The following AGAP1 variants were observed in gnomAD, a reference collection of about 807,000 sequenced individuals.
AGAP1 encodes arf-GAP with GTPase, ANK repeat and PH domain-containing protein 1.
Under a neutral mutation model 105.3 loss-of-function variants are expected in AGAP1, and 29 were observed. The observed-to-expected ratio is 0.28, with a 90% CI of 0.21 to 0.38. The LOEUF is 0.38. AGAP1 is among the 10% of genes least tolerant of loss of function. The pLI is 1.00. For synonymous variants in AGAP1, 509 were observed against 485.9 expected, an observed-to-expected ratio of 1.05 and a Z score of -0.63; for missense variants, 998 against 1,165.1, an observed-to-expected ratio of 0.86 and a Z score of 2.09.
Position 235,807,229 on chromosome 2 carries a change from TG to T in AGAP1, c.958-9del. 6.2e-7 allele frequency: 1 copy of T among 1,609,316 alleles called. No individual in the cohort carries two copies. Among genetic ancestry groups the T allele is most frequent in the Non-Finnish European group, 8.5e-7 (1 of 1,178,830 alleles). On this transcript the variant is annotated splice_polypyrimidine_tract_variant and intron_variant, in intron 8 of 17. Coordinates refer to ENST00000304032, the MANE Select transcript of AGAP1 (RefSeq NM_001037131.3). ...CTTACCCAGATGCCAACTTTCCTTT[TG>T]CTTTGCAGTCTCGGAAAGGGAGCGA...
chr2:235,773,933 C>T (rs1457829282), intron 6 of AGAP1: 1 of 468,658 alleles, frequency 2.1e-6, no homozygotes, highest in South Asian at 1.6e-5. Flanking sequence ...TGAAGACAAT[C>T]AACTCTTCAT....
chr2:235,933,841 T>A (rs531948422), intron 12 of AGAP1, among the ~76,000 whole-genome samples: 1 of 152,240 alleles, frequency 6.6e-6, no homozygotes, highest in African/African-American at 2.4e-5. Context: ...TTTCTAAGGA[T>A]TAATAGTATG....
rs1050395389 is a variant in AGAP1 at position 235,988,249 on chromosome 2, G to C, written c.1645+19626G>C. ...GTAGAGACAGGGCTTCACCCTGTTG[G>C]CCAGGCTGGTCTTGAACTCCTGACT... On this transcript the variant is annotated intron_variant, in intron 13 of 17. Transcript: ENST00000304032. This position sits in a 1 kb window ranked among gnomAD's most constrained non-coding sequence, Gnocchi z 4.7. Among the ~76,000 whole-genome samples, 1 of 152,122 alleles carries C rather than the reference G, an allele frequency of 6.6e-6. No homozygotes were observed. The highest frequency in any genetic ancestry group is 1.9e-4 in the East Asian group (1 of 5,174).
intron 8 of AGAP1, among the ~76,000 whole-genome samples, chr2:235,806,629 C>A (rs1957848130): frequency 6.6e-6 from 1 of 152,180 alleles, no homozygotes; most frequent in South Asian, 2.1e-4. Context: ...ACTGACCTTT[C>A]GTCCAAAGGC....
chr2:236,008,946 G>A (rs1382299662), intron 13 of AGAP1, among the ~76,000 whole-genome samples: 2 of 152,216 alleles, frequency 1.3e-5, no homozygotes, highest in East Asian at 3.8e-4. Flanking sequence ...TGTTGGCCTT[G>A]CAAGAAACTG....
chr2:236,091,018 C>T (rs1031403778), intron 16 of AGAP1, among the ~76,000 whole-genome samples: 1 of 152,186 alleles, frequency 6.6e-6, no homozygotes, highest in Non-Finnish European at 1.5e-5. Context: ...GGTTGACAGG[C>T]GTGTGCCACC....
intron 9 of AGAP1, among the ~76,000 whole-genome samples, chr2:235,878,351 T>C (rs943326849): frequency 1.3e-5 from 2 of 152,188 alleles, no homozygotes; most frequent in Non-Finnish European, 2.9e-5. Context: ...TTCTCTTTGA[T>C]AATCAGGAAA....
At position 235,577,766 on chromosome 2, in the gene AGAP1, C is replaced by CT. The variant is rs1944782714; in HGVS notation, c.163+82918dup. On this transcript the variant is annotated intron_variant, in intron 1 of 17. Transcript: ENST00000304032. The surrounding 1 kb of genome is among the most constrained non-coding windows in gnomAD (Gnocchi z 4.5). Reference sequence around the variant, plus strand: ...ATTCAACACAGGCTTGTCTGCTGGCCTCCCCCGGGAGAGAGAGTAGGTTTG... The same window carrying CT: ...ATTCAACACAGGCTTGTCTGCTGGCCTTCCCCCGGGAGAGAGAGTAGGTTTG... 6.6e-6 allele frequency among the ~76,000 whole-genome samples: 1 copy of CT among 152,156 alleles called. No homozygotes were observed. Among genetic ancestry groups the CT allele is most frequent in the African/African-American group, 2.4e-5 (1 of 41,428 alleles).
intron 16 of AGAP1, among the ~76,000 whole-genome samples, chr2:236,093,635 G>C (rs1411493417): frequency 1.3e-5 from 2 of 152,196 alleles, no homozygotes; most frequent in East Asian, 1.9e-4. Context: ...CATATATCCT[G>C]GATTGGGAGA....
At position 235,800,769 on chromosome 2, in the gene AGAP1, C is replaced by T. The variant is rs1036828520; in HGVS notation, c.957+1247C>T. 2.6e-5 allele frequency among the ~76,000 whole-genome samples: 4 copies of T among 152,188 alleles called. No homozygotes were observed. In the East Asian group the frequency reaches 7.7e-4, roughly 29 times the overall value. On this transcript the variant is annotated intron_variant, in intron 8 of 17. Transcript: ENST00000304032. ...GGTAAAGGTTCTGCAGACGTCTAGT[C>T]GTGGGTAGCAACCAGGGGTGCTGCA...
intron 9 of AGAP1, among the ~76,000 whole-genome samples, chr2:235,871,556 C>A (rs1437460445): frequency 6.6e-6 from 1 of 152,248 alleles, no homozygotes; most frequent in African/African-American, 2.4e-5. Context: ...CCAGCCTCAG[C>A]CAACTGCCTA....
chr2:235,573,018 C>T lies in AGAP1; in HGVS notation c.163+78169C>T, dbSNP rs1341356383. Among the ~76,000 whole-genome samples, 4 of 19,148 alleles carry T rather than the reference C, an allele frequency of 2.1e-4. 1 individual carries two copies. The highest frequency in any genetic ancestry group is 3.4e-4 in the Non-Finnish European group (4 of 11,812). The allele number at this position is 19,148 out of a possible 152,430, so 12.6% of individuals were successfully genotyped here. A position where few individuals can be genotyped will look rare whatever the true frequency, so the allele number is the denominator to read the frequency against. On this transcript the variant is annotated intron_variant, in intron 1 of 17. Coordinates refer to ENST00000304032, the MANE Select transcript of AGAP1 (RefSeq NM_001037131.3). ...TCTTCTTCTTCTTCTTCTTCTTCTT[C>T]TTCTTCTTCTTCTTCTTCTTCTTCT...
At chr2:235,857,676 C>T (rs1037828679) in intron 9 of AGAP1, among the ~76,000 whole-genome samples, 5 of 152,196 alleles carry the variant, frequency 3.3e-5, no homozygotes, top group African/African-American at 1.2e-4. Flanking sequence ...AGCACCTCCT[C>T]GGTTTGCCAA....
At chr2:235,947,273 G>A (rs2053542735) in intron 12 of AGAP1, among the ~76,000 whole-genome samples, 1 of 151,994 alleles carries the variant, frequency 6.6e-6, no homozygotes, top group Admixed American at 6.6e-5. Context: ...TCACTCTTAC[G>A]CCTTTGCATC....
chr2:235,988,371 G>A lies in AGAP1; in HGVS notation c.1645+19748G>A, dbSNP rs1452236107. On this transcript the variant is annotated intron_variant, in intron 13 of 17. Transcript: ENST00000304032. This position sits in a 1 kb window ranked among gnomAD's most constrained non-coding sequence, Gnocchi z 4.7. Reference sequence around the variant, plus strand: ...AACTCCTTTTGATTGGTGCGTGGGTGACAATGGATTCCCTGTCCCTGCTGC... The same window carrying A: ...AACTCCTTTTGATTGGTGCGTGGGTAACAATGGATTCCCTGTCCCTGCTGC... Among the ~76,000 whole-genome samples the A allele has an allele frequency of 6.6e-6, 1 of 152,122 alleles. No homozygotes were observed. Among genetic ancestry groups the A allele is most frequent in the Non-Finnish European group, 1.5e-5 (1 of 68,024 alleles).
chr2:235,636,167 T>C (rs935464711), intron 1 of AGAP1, among the ~76,000 whole-genome samples: 2 of 149,812 alleles, frequency 1.3e-5, no homozygotes, highest in Admixed American at 6.6e-5. Flanking sequence ...TCTCATCTTA[T>C]GGAGCAAAAG....
intron 1 of AGAP1, among the ~76,000 whole-genome samples, chr2:235,686,665 A>ATTT (rs1200927776): frequency 6.1e-4 from 47 of 77,480 alleles, no homozygotes; most frequent in African/African-American, 1.5e-3. Context: ...ATATATATAT[A>ATTT]TTTTTTTTTT....
intron 16 of AGAP1, among the ~76,000 whole-genome samples, chr2:236,103,999 A>T (rs2059423989): frequency 6.6e-6 from 1 of 152,190 alleles, no homozygotes. Context: ...TATGTCCCTG[A>T]GATGTGGAGG....
At position 235,728,326 on chromosome 2, in the gene AGAP1, T is replaced by TGTGTGTGTGTGTGTGTGTGTGTGCGC. The variant is rs986896995; in HGVS notation, c.310+10683_310+10684insTGTGTGTGTGTGTGTGTGTGTGCGCG. 4.6e-5 allele frequency among the ~76,000 whole-genome samples: 7 copies of TGTGTGTGTGTGTGTGTGTGTGTGCGC among 151,742 alleles called. No homozygotes were observed. Among genetic ancestry groups the TGTGTGTGTGTGTGTGTGTGTGTGCGC allele is most frequent in the African/African-American group, 1.7e-4 (7 of 41,204 alleles). The stretch of plus-strand genomic sequence containing the variant: ...CTGTGTGTGTGTGTGTGTGTGTGTG[T>TGTGTGTGTGTGTGTGTGTGTGTGCGC]GCGTGCTCTTAAATCAATGTAAATT... On this transcript the variant is annotated intron_variant, in intron 3 of 17. Coordinates refer to ENST00000304032, the MANE Select transcript of AGAP1 (RefSeq NM_001037131.3). This position sits in a 1 kb window ranked among gnomAD's most constrained non-coding sequence, Gnocchi z 4.3.
Sources: allele counts gnomAD v4.1 joint callset (sites outside exome capture counted in the v4.1 genomes callset), GRCh38; gene constraint gnomAD v4.1.1; non-coding constraint Gnocchi (gnomAD v3.1); transcripts MANE v1.5; gene names NCBI Gene and HGNC (gene_info 2026-07-23, HGNC 2026-07-21).